ADAMTS17: variants seen among roughly 807,000 people sequenced by gnomAD.
ADAMTS17 encodes the protein A disintegrin and metalloproteinase with thrombospondin motifs 17.
ADAMTS17 carries 113 observed loss-of-function variants against 141.5 expected under a neutral mutation model. The observed-to-expected ratio is 0.80, with a 90% confidence interval of 0.69 to 0.93. The LOEUF (loss-of-function observed/expected upper bound fraction) is 0.93. Among genes scored for constraint, ADAMTS17 ranks in the 40% least tolerant of loss-of-function variants. The probability of loss-of-function intolerance (pLI) is 0.00; values close to 1 mark genes in which losing one functional copy is unlikely to be tolerated. For missense variants in ADAMTS17, 1,659 were observed against 1,517.9 expected (o/e 1.09, Z -1.54); for synonymous variants, 768 against 630.6 (o/e 1.22, Z -3.27).
intron 14 of ADAMTS17, among the ~76,000 whole-genome samples, chr15:100,107,811 T>TAATAAAGG (rs2036500165): frequency 6.6e-6 from 1 of 152,008 alleles, no homozygotes; most frequent in African/African-American, 2.4e-5. Flanking sequence ...GAACTGTGAG[T>TAATAAAGG]AATAAAGGTC....
intron 21 of ADAMTS17, among the ~76,000 whole-genome samples, chr15:99,975,154 A>G (rs1378100535): frequency 1.3e-5 from 2 of 152,222 alleles, no homozygotes; most frequent in Non-Finnish European, 2.9e-5. Context: ...AGGTAGGAAA[A>G]TATTTCTCAG....
chr15:100,245,262 G>A (rs1227015969), intron 7 of ADAMTS17, among the ~76,000 whole-genome samples: 1 of 152,186 alleles, frequency 6.6e-6, no homozygotes, highest in African/African-American at 2.4e-5. Context: ...CGCAGGCAGG[G>A]GCCTGGGAAA....
At chr15:100,239,290 C>T (rs184977647) in intron 7 of ADAMTS17, among the ~76,000 whole-genome samples, 3 of 152,324 alleles carry the variant, frequency 2.0e-5, no homozygotes, top group East Asian at 3.9e-4. Flanking sequence ...AAGACCATGA[C>T]GTTCTCAGCA....
chr15:100,062,262 G>T (rs536952878), intron 15 of ADAMTS17, among the ~76,000 whole-genome samples: 3 of 152,128 alleles, frequency 2.0e-5, no homozygotes, highest in Non-Finnish European at 4.4e-5. Flanking sequence ...GCAGAAGCAC[G>T]AGCGGCCGTC....
At position 100,029,206 on chromosome 15, in the gene ADAMTS17, G is replaced by A. The variant is rs111326434; in HGVS notation, c.2591+19651C>T. ...CAGAATGGAATCTTCCCAGATTTCC[G>A]CTTGGTGCTGAGCTGTATTGACTTT... On this transcript the variant is annotated intron_variant, in intron 18 of 21. Coordinates refer to ENST00000268070, the MANE Select transcript of ADAMTS17 (RefSeq NM_139057.4). 3.9e-4 allele frequency among the ~76,000 whole-genome samples: 60 copies of A among 152,264 alleles called. 2 individuals carry two copies. The highest frequency in any genetic ancestry group is 1.5e-3 in the East Asian group (8 of 5,182).
Position 100,179,856 on chromosome 15 carries a change from G to A in ADAMTS17, c.1181+19462C>T, listed in dbSNP as rs8025716. Among the ~76,000 whole-genome samples, 1,035 of 152,110 alleles carry A rather than the reference G, an allele frequency of 6.8e-3. 10 individuals carry two copies. The highest frequency in any genetic ancestry group is 0.023 in the African/African-American group (966 of 41,486). On this transcript the variant is annotated intron_variant, in intron 8 of 21. Transcript: ENST00000268070. ...AAAAATGTCTATTCAGATCTTTTGCGCGTTTTTAAATCAGATTATAAGATT... is the reference window on the plus strand; with the variant it reads ...AAAAATGTCTATTCAGATCTTTTGCACGTTTTTAAATCAGATTATAAGATT...
chr15:100,167,130 G>T (rs1362367306), intron 8 of ADAMTS17, among the ~76,000 whole-genome samples: 1 of 152,222 alleles, frequency 6.6e-6, no homozygotes, highest in Non-Finnish European at 1.5e-5. Context: ...AGGCACAAGT[G>T]ACTAACTGCT....
At chr15:100,160,286 GGA>G (rs2039631545) in intron 8 of ADAMTS17, among the ~76,000 whole-genome samples, 1 of 152,138 alleles carries the variant, frequency 6.6e-6, no homozygotes, top group African/African-American at 2.4e-5. Flanking sequence ...AGTCGATGGA[GGA>G]TCAACACATG....
intron 4 of ADAMTS17, among the ~76,000 whole-genome samples, chr15:100,265,544 G>A (rs1287010358): frequency 6.6e-6 from 1 of 152,160 alleles, no homozygotes; most frequent in Non-Finnish European, 1.5e-5. Context: ...AGCACACTAC[G>A]GCTTCTCTGG....
At position 100,167,059 on chromosome 15, in the gene ADAMTS17, AAG is replaced by A. The variant is rs574930762; in HGVS notation, c.1182-11741_1182-11740del. ...TGGCCACTGGCCACGTGTGGCTACT[AAG>A]AGTTTGAAATGTGCTAGTGTGACCG... On this transcript the variant is annotated intron_variant, in intron 8 of 21. Coordinates refer to ENST00000268070, the MANE Select transcript of ADAMTS17 (RefSeq NM_139057.4). Among the ~76,000 whole-genome samples, 323 of 152,350 alleles carry A rather than the reference AAG, an allele frequency of 2.1e-3. 1 individual carries two copies. The highest frequency in any genetic ancestry group is 7.3e-3 in the African/African-American group (305 of 41,590).
At chr15:100,206,630 G>A (rs4338785) in intron 7 of ADAMTS17, among the ~76,000 whole-genome samples, 6 of 152,238 alleles carry the variant, frequency 3.9e-5, no homozygotes, top group African/African-American at 1.4e-4. Context: ...GAAAGCTGGG[G>A]TTTTAGGTGG....
chr15:100,310,774 C>T (rs1016056130), intron 3 of ADAMTS17, among the ~76,000 whole-genome samples: 1 of 152,202 alleles, frequency 6.6e-6, no homozygotes, highest in Admixed American at 6.5e-5. Context: ...CATCCAAACG[C>T]CACGGCAGGG....
intron 20 of ADAMTS17, 82 bp from the exon 21 acceptor site, chr15:99,976,304 G>C: frequency 6.6e-7 from 1 of 1,508,252 alleles, no homozygotes. Flanking sequence ...GCACTGCGGA[G>C]ACAGGACAGC....
At chr15:100,217,807 C>G (rs1180974171) in intron 7 of ADAMTS17, among the ~76,000 whole-genome samples, 1 of 152,040 alleles carries the variant, frequency 6.6e-6, no homozygotes, top group Non-Finnish European at 1.5e-5. Context: ...TGACTTTTAC[C>G]CAGAATACAT....
intron 12 of ADAMTS17, among the ~76,000 whole-genome samples, chr15:100,121,543 A>T (rs2037452118): frequency 1.3e-5 from 2 of 152,192 alleles, no homozygotes; most frequent in African/African-American, 4.8e-5. Flanking sequence ...GTGCTTATAT[A>T]CTTAAAGTGC....
intron 12 of ADAMTS17, among the ~76,000 whole-genome samples, chr15:100,123,212 C>A (rs778029771): frequency 6.6e-6 from 1 of 152,156 alleles, no homozygotes; most frequent in Non-Finnish European, 1.5e-5. Flanking sequence ...GAGAGACCAC[C>A]CTCACACAGT....
At position 100,208,591 on chromosome 15, in the gene ADAMTS17, A is replaced by G. The variant is rs150212982; in HGVS notation, c.1076-9168T>C. On this transcript the variant is annotated intron_variant, in intron 7 of 21. Transcript: ENST00000268070. The stretch of plus-strand genomic sequence containing the variant: ...ATGAAGAGGCCCTGCCCGGGGGCTG[A>G]TATTGTCTTGTTTCTAGATCCAGGT... Among the ~76,000 whole-genome samples, 80 of 152,320 alleles carry G rather than the reference A, an allele frequency of 5.3e-4. No individual in the cohort carries two copies. In the East Asian group the frequency reaches 0.015, roughly 29 times the overall value.
In ADAMTS17 at chr15:100,051,565, C is replaced by T. The variant is rs762881040; in HGVS notation, c.2455+7G>A. On this transcript the variant is annotated splice_region_variant and intron_variant, in intron 17 of 21. Transcript: ENST00000268070. Reference sequence around the variant, plus strand: ...CACCCAACAGGTCATGGACCACGGCCACTCACCTCCGCCGCACTGCACACT... The same window carrying T: ...CACCCAACAGGTCATGGACCACGGCTACTCACCTCCGCCGCACTGCACACT... The T allele has an allele frequency of 1.9e-6, 3 of 1,613,012 alleles. No homozygotes were observed. Among genetic ancestry groups the T allele is most frequent in the African/African-American group, 2.7e-5 (2 of 74,892 alleles).
chr15:100,252,007 G>C (rs535923797), intron 7 of ADAMTS17, among the ~76,000 whole-genome samples: 8 of 152,322 alleles, frequency 5.3e-5, no homozygotes, highest in African/African-American at 1.9e-4. Context: ...CTCAGTTTGT[G>C]TGGCATTTTG....
Sources: gnomAD v4.1 joint callset for allele counts (sites outside exome capture counted in the v4.1 genomes callset) on GRCh38, gnomAD v4.1.1 for gene constraint, MANE v1.5 for transcripts, NCBI Gene and HGNC (gene_info 2026-07-23, HGNC 2026-07-21) for gene names.